Variants in UGGT1 observed in about 807,000 individuals in gnomAD.
UGGT1 encodes UDP-glucose glycoprotein glucosyltransferase 1.
UGGT1 carries 107 observed loss-of-function variants against 203.9 expected under a neutral mutation model. The ratio of observed to expected loss-of-function variants is 0.52; its 90% CI spans 0.45 to 0.62. The LOEUF (loss-of-function observed/expected upper bound fraction) is 0.62. Ranked by LOEUF, UGGT1 falls within the 20% of genes least tolerant of loss-of-function variation. The pLI is 0.00. For missense variants in UGGT1, 1,673 were observed against 1,867.2 expected (o/e 0.90, Z 1.92); for synonymous variants, 628 against 653.5 (o/e 0.96, Z 0.59).
At position 128,092,712 on chromosome 2, in the gene UGGT1, G is replaced by A. The variant is rs564488352; in HGVS notation, c.58+1297G>A. Reference sequence around the variant, plus strand: ...TTATTTTTTTATTTTTTGTTGGTGAGGCAGAGTCTTGCTCTGTTGCCCAGG... The same window carrying A: ...TTATTTTTTTATTTTTTGTTGGTGAAGCAGAGTCTTGCTCTGTTGCCCAGG... On this transcript the variant is annotated intron_variant, in intron 1 of 40. Coordinates refer to ENST00000259253, the MANE Select transcript of UGGT1 (RefSeq NM_020120.4). Among the ~76,000 whole-genome samples the A allele has an allele frequency of 2.0e-5, 3 of 150,730 alleles. No homozygotes were observed. The South Asian group carries it at 6.3e-4, about 32-fold the overall frequency.
rs1688316508 is a variant in UGGT1, at chr2:128,120,311, G to A, written c.873-45G>A. On this transcript the variant is annotated intron_variant, in intron 8 of 40. Coordinates refer to ENST00000259253, the MANE Select transcript of UGGT1 (RefSeq NM_020120.4). Reference sequence around the variant, plus strand: ...TGGTTTACTTCTTCTTATGCTCCGGGAAAGAAAAAATAATGAAAAGGACTG... The same window carrying A: ...TGGTTTACTTCTTCTTATGCTCCGGAAAAGAAAAAATAATGAAAAGGACTG... 1.9e-6 allele frequency: 3 copies of A among 1,573,790 alleles called. No homozygotes were observed. The Admixed American group carries it at 5.5e-5, about 29-fold the overall frequency.
intron 36 of UGGT1, among the ~76,000 whole-genome samples, chr2:128,181,906 G>T (rs1191320382): frequency 5.3e-5 from 8 of 152,214 alleles, no homozygotes; most frequent in African/African-American, 1.9e-4. Flanking sequence ...GTTGAAATTT[G>T]TTTTATTCCT....
At chr2:128,136,130 T>G (rs148950113) in intron 15 of UGGT1, among the ~76,000 whole-genome samples, 2 of 152,142 alleles carry the variant, frequency 1.3e-5, no homozygotes, top group South Asian at 4.1e-4. Context: ...AGATTGTGAA[T>G]AGTTGGAGAG....
chr2:128,150,205 G>C (rs1689883998), intron 18 of UGGT1, among the ~76,000 whole-genome samples: 1 of 152,168 alleles, frequency 6.6e-6, no homozygotes, highest in African/African-American at 2.4e-5. Context: ...AGAGGCTGAG[G>C]CTGGAGGATT....
intron 29 of UGGT1, 42 bp downstream of exon 29, chr2:128,172,804 A>G (rs186916101): frequency 5.4e-5 from 84 of 1,562,248 alleles, no homozygotes; most frequent in Middle Eastern, 3.6e-4. Context: ...AATCATGTAT[A>G]ATACAGCAGA....
chr2:128,173,370 C>T (rs1425469949), intron 29 of UGGT1, among the ~76,000 whole-genome samples: 1 of 152,196 alleles, frequency 6.6e-6, no homozygotes, highest in African/African-American at 2.4e-5. Context: ...TACGTGAGTA[C>T]AGGATGTCTT....
At chr2:128,152,064 T>C (rs1689999907) in intron 18 of UGGT1, among the ~76,000 whole-genome samples, 1 of 152,226 alleles carries the variant, frequency 6.6e-6, no homozygotes, top group Non-Finnish European at 1.5e-5. Context: ...TATCCTCTCA[T>C]TGTAATTCTG....
chr2:128,113,648 G>A (rs1308570099), intron 6 of UGGT1, among the ~76,000 whole-genome samples: 7 of 152,022 alleles, frequency 4.6e-5, no homozygotes, highest in Admixed American at 3.9e-4. Flanking sequence ...TTCTAAACAG[G>A]CGATTCATAG....
intron 23 of UGGT1, 67 bp from the exon 24 acceptor site, chr2:128,160,391 CTG>C (rs1371896504): frequency 1.2e-5 from 18 of 1,457,390 alleles, no homozygotes; most frequent in Admixed American, 5.1e-5. Context: ...GGTTTATTCA[CTG>C]TGTTTATTTG....
chr2:128,161,737 G>A (rs931747706), intron 25 of UGGT1, among the ~76,000 whole-genome samples: 3 of 152,020 alleles, frequency 2.0e-5, no homozygotes, highest in African/African-American at 7.2e-5. Flanking sequence ...GGTTGTTGTC[G>A]GTTTTTAATT....
At chr2:128,183,599 G>GAA in intron 37 of UGGT1, 76 bp from the exon 38 acceptor site, 2 of 1,087,620 alleles carry the variant, frequency 1.8e-6, no homozygotes, top group Non-Finnish European at 2.8e-6. Flanking sequence ...CTAGTGGCCT[G>GAA]TTCCATTATT....
At position 128,138,776 on chromosome 2, in the gene UGGT1, G is replaced by A. The variant is rs1389151818; in HGVS notation, c.1643G>A (p.Gly548Glu). Residue 548 changes from glycine to glutamate, a missense_variant, in exon 16 of 41, where the codon GGA becomes GAA. This residue lies in a region of UGGT1 where 1,073 missense variants were observed against 1,078.7 expected (regional missense o/e 0.99). Transcript: ENST00000259253. ...SEDVDGMQDAGVAVLRAYNYV... is the reference protein window; with the variant it reads ...SEDVDGMQDAEVAVLRAYNYV... ...GATGTTGATGGGATGCAAGATGCTG[G>A]AGTGGCTGTTCTTAGAGCATATAAT... The A allele has an allele frequency of 1.2e-6, 2 of 1,614,110 alleles. No homozygotes were observed. Among genetic ancestry groups the A allele is most frequent in the Admixed American group, 3.3e-5 (2 of 60,020 alleles).
At chr2:128,157,805 T>G (rs796201390) in intron 22 of UGGT1, among the ~76,000 whole-genome samples, 2 of 152,186 alleles carry the variant, frequency 1.3e-5, no homozygotes, top group African/African-American at 4.8e-5. Flanking sequence ...TGAAAAGATA[T>G]GCTGCCATTA....
chr2:128,189,186 G>A (rs918187657), intron 40 of UGGT1, among the ~76,000 whole-genome samples: 1 of 152,152 alleles, frequency 6.6e-6, no homozygotes, highest in East Asian at 1.9e-4. Flanking sequence ...AATAGCCCTT[G>A]TTACAAAGCA....
chr2:128,126,744 G>A (rs1688623166), intron 11 of UGGT1, among the ~76,000 whole-genome samples: 2 of 27,720 alleles, frequency 7.2e-5, no homozygotes, highest in Admixed American at 4.8e-4. Context: ...GTGCAGTGGT[G>A]CTATCTCGGC....
intron 7 of UGGT1, among the ~76,000 whole-genome samples, chr2:128,116,007 A>T (rs1688084329): frequency 6.6e-6 from 1 of 151,864 alleles, no homozygotes; most frequent in Non-Finnish European, 1.5e-5. Flanking sequence ...AGTTTTTAGC[A>T]TGTAAAATTT....
intron 14 of UGGT1, among the ~76,000 whole-genome samples, chr2:128,133,821 A>C (rs1558780256): frequency 6.6e-6 from 1 of 152,154 alleles, no homozygotes. Context: ...TCCCTTAAAT[A>C]TGGTTGTTTG....
At chr2:128,123,164 C>T (rs1219471198) in intron 10 of UGGT1, 22 bp from the exon 11 acceptor site, 1 of 1,600,348 alleles carries the variant, frequency 6.2e-7, no homozygotes, top group African/African-American at 1.3e-5. Context: ...GCCAAGCACT[C>T]ATAATGTTTT....
intron 39 of UGGT1, chr2:128,187,162 C>T (rs1692023760): frequency 6.4e-6 from 2 of 310,836 alleles, no homozygotes; most frequent in African/African-American, 4.3e-5. Context: ...GTTTTCACAA[C>T]TTACAATCTG....
Sources: allele counts gnomAD v4.1 joint callset (sites outside exome capture counted in the v4.1 genomes callset), GRCh38; gene constraint gnomAD v4.1.1; regional missense constraint gnomAD v4.1.1; transcripts MANE v1.5; gene names NCBI Gene and HGNC (gene_info 2026-07-23, HGNC 2026-07-21).